Variants in SERINC3 observed in about 807,000 individuals in gnomAD.
SERINC3 encodes serine incorporator 3.
In SERINC3, 22 loss-of-function variants were observed where a neutral mutation model predicts 52.1. The observed-to-expected ratio is 0.42, with a 90% confidence interval of 0.30 to 0.60. The LOEUF (loss-of-function observed/expected upper bound fraction) is 0.60, where lower values mean the gene tolerates loss of function less well. Among genes scored for constraint, SERINC3 ranks in the 20% least tolerant of loss-of-function variants. SERINC3 has a pLI of 0.16. For missense variants in SERINC3, 564 were observed against 584.6 expected (o/e 0.96, Z 0.36); for synonymous variants, 226 against 212.7 (o/e 1.06, Z -0.54).
chr20:44,507,497 C>T (rs1049827413), intron 5 of SERINC3, among the ~76,000 whole-genome samples: 3 of 152,142 alleles, frequency 2.0e-5, no homozygotes, highest in Admixed American at 1.3e-4. Context: ...TAAGACTGTC[C>T]CTGAACTGGA....
At chr20:44,516,183 T>C (rs1600818806) in intron 1 of SERINC3, among the ~76,000 whole-genome samples, 1 of 151,630 alleles carries the variant, frequency 6.6e-6, no homozygotes, top group African/African-American at 2.4e-5. Context: ...GCACCTGTAA[T>C]CCCAGCTACT....
intron 7 of SERINC3, 133 bp downstream of exon 7, chr20:44,504,668 A>G: frequency 6.1e-6 from 4 of 656,732 alleles, no homozygotes; most frequent in Non-Finnish European, 1.1e-5. Flanking sequence ...ACAAACCTAC[A>G]GTGAACACTG....
chr20:44,512,684 G>C, intron 3 of SERINC3, 117 bp downstream of exon 3: 1 of 745,072 alleles, frequency 1.3e-6, no homozygotes, highest in Admixed American at 3.9e-5. Context: ...GATCAGAAAT[G>C]CATCTGAGCC....
intron 6 of SERINC3, among the ~76,000 whole-genome samples, chr20:44,505,321 G>C (rs533340372): frequency 1.3e-5 from 2 of 151,886 alleles, no homozygotes; most frequent in Non-Finnish European, 2.9e-5. Context: ...TTTTTTAAAC[G>C]GTTTTTTTTT....
chr20:44,505,729 T>C (rs571866760), intron 6 of SERINC3, among the ~76,000 whole-genome samples: 40 of 152,176 alleles, frequency 2.6e-4, no homozygotes, highest in Middle Eastern at 3.4e-3. Flanking sequence ...GCCTGCCAAG[T>C]AGCTGGGATT....
In SERINC3 at chr20:44,504,950, T is replaced by C. The variant is rs910898145; in HGVS notation, c.784-59A>G. On this transcript the variant is annotated intron_variant, in intron 6 of 9. Coordinates refer to ENST00000342374, the MANE Select transcript of SERINC3 (RefSeq NM_006811.4). ...ACTGCCAAGGGCTGACTTTCCAAAA[T>C]GCAGTGCACTTCTCTGGAGTTAATT... 89 of 1,277,970 alleles carry C rather than the reference T, an allele frequency of 7.0e-5. No individual in the cohort carries two copies. In the South Asian group the frequency reaches 9.6e-4, roughly 14 times the overall value. The allele number at this position is 1,277,970 out of a possible 1,614,324, so 79.2% of individuals were successfully genotyped here.
In SERINC3 at chr20:44,513,867, GTTAC is replaced by G; in HGVS notation, c.201+8_201+11del. ...AAATAACCAATACCTTAAGGGCACT[GTTAC>G]TTCTTACCTTCTTCAAGTAAGTTTC... On this transcript the variant is annotated splice_region_variant and intron_variant, in intron 2 of 9. Transcript: ENST00000342374. 6.3e-7 allele frequency: 1 copy of G among 1,584,092 alleles called. No individual in the cohort carries two copies. The highest frequency in any genetic ancestry group is 8.6e-7 in the Non-Finnish European group (1 of 1,164,296).
At chr20:44,519,481 T>G in intron 1 of SERINC3, 5 of 547,334 alleles carry the variant, frequency 9.1e-6, no homozygotes, top group Non-Finnish European at 1.2e-5. Context: ...TTTGTCTCTA[T>G]ATGGGTGCAT....
chr20:44,499,153 T>C lies in SERINC3; in HGVS notation c.*1143A>G, dbSNP rs1326193179. The C allele has an allele frequency of 2.0e-5, 3 of 152,378 alleles. No individual in the cohort carries two copies. Among genetic ancestry groups the C allele is most frequent in the Admixed American group, 2.0e-4 (3 of 15,282 alleles). 9.4% of individuals were successfully genotyped at this position (152,378 alleles called of 1,614,324 possible). On this transcript the variant is annotated 3_prime_UTR_variant, in exon 10 of 10. Coordinates refer to ENST00000342374, the MANE Select transcript of SERINC3 (RefSeq NM_006811.4). ...AAGACGGCAGAGCCTCTATCATGTT[T>C]AACACTGTACCCCAAAACCTACAGG...
At chr20:44,505,204 G>T (rs573807999) in intron 6 of SERINC3, among the ~76,000 whole-genome samples, 1 of 152,346 alleles carries the variant, frequency 6.6e-6, no homozygotes, top group East Asian at 1.9e-4. Flanking sequence ...CTAATTAGTA[G>T]CTGGGAGAGG....
intron 1 of SERINC3, among the ~76,000 whole-genome samples, chr20:44,515,552 G>A (rs905756238): frequency 6.6e-6 from 1 of 152,202 alleles, no homozygotes; most frequent in African/African-American, 2.4e-5. Context: ...GGAAATGGGA[G>A]TGATGGTTTA....
chr20:44,503,834 G>C lies in SERINC3; in HGVS notation c.1036C>G (p.Leu346Val). 6.4e-7 allele frequency: 1 copy of C among 1,568,524 alleles called. No homozygotes were observed. The highest frequency in any genetic ancestry group is 8.6e-7 in the Non-Finnish European group (1 of 1,164,548). Residue 346 changes from leucine to valine, a missense_variant, in exon 8 of 10, where the codon CTC becomes GTC. Leu to Val is a conservative substitution (Grantham distance 32). Transcript: ENST00000342374. ...DNFIGLFVFV[L>V]CLLYSSIRTS... ...ACTTACCTAGAATACAAGAGGCAGA[G>C]AACAAAGACAAACAGTCCAATAAAA... is the stretch of plus-strand genomic sequence containing the variant.
At chr20:44,507,579 T>G (rs1221030377) in intron 5 of SERINC3, among the ~76,000 whole-genome samples, 1 of 152,208 alleles carries the variant, frequency 6.6e-6, no homozygotes, top group Non-Finnish European at 1.5e-5. Flanking sequence ...AATCAACAAT[T>G]AGCTGTGTTG....
intron 8 of SERINC3, 104 bp downstream of exon 8, chr20:44,503,711 G>C: frequency 1.2e-6 from 1 of 868,840 alleles, no homozygotes; most frequent in South Asian, 2.0e-5. Flanking sequence ...ATTAAAGAGA[G>C]TGAAGTTTTT....
In SERINC3 at chr20:44,500,313, T is replaced by A; in HGVS notation, c.1405A>T (p.Ser469Cys). 1 of 1,611,844 alleles carries A rather than the reference T, an allele frequency of 6.2e-7. No individual in the cohort carries two copies. The highest frequency in any genetic ancestry group is 8.5e-7 in the Non-Finnish European group (1 of 1,179,208). The part of the protein sequence containing the change: ...WTLVAPLVLT[S>C]RDFS ...TCAGAGGTTCAGCTGAAGTCCCGAC[T>A]GGTGAGGACAAGTGGAGCCACAAGG... The change falls in exon 10 of 10, where the codon AGT (serine) becomes TGT (cysteine). Residue 469 changes from serine (S) to cysteine (C), a missense_variant. Physicochemically the swap from Ser to Cys is moderately radical, Grantham distance 112. Transcript: ENST00000342374.
At chr20:44,503,705 AAG>A in intron 8 of SERINC3, 108 bp downstream of exon 8, 1 of 827,636 alleles carries the variant, frequency 1.2e-6, no homozygotes, top group Non-Finnish European at 1.9e-6. Flanking sequence ...CTTTTCATTA[AAG>A]AGAGTGAAGT....
intron 5 of SERINC3, among the ~76,000 whole-genome samples, chr20:44,507,737 C>T (rs1398848128): frequency 6.6e-6 from 1 of 152,080 alleles, no homozygotes; most frequent in Non-Finnish European, 1.5e-5. Context: ...GGCATGGTGG[C>T]ATAAGGCTGT....
chr20:44,520,611 A>C (rs978775640), intron 1 of SERINC3, among the ~76,000 whole-genome samples: 1 of 152,132 alleles, frequency 6.6e-6, no homozygotes, highest in Non-Finnish European at 1.5e-5. Context: ...AGAGTGGGGA[A>C]GGACGGTGGG....
chr20:44,520,734 A>G (rs1219722305), intron 1 of SERINC3, among the ~76,000 whole-genome samples: 2 of 152,370 alleles, frequency 1.3e-5, no homozygotes, highest in Non-Finnish European at 2.9e-5. Context: ...ACAAAACTGC[A>G]TATGTACCCT....
Sources: gnomAD v4.1 joint callset for allele counts (sites outside exome capture counted in the v4.1 genomes callset) on GRCh38, gnomAD v4.1.1 for gene constraint, MANE v1.5 for transcripts, NCBI Gene and HGNC (gene_info 2026-07-23, HGNC 2026-07-21) for gene names.